Variants in SSBP3 observed in about 807,000 individuals in gnomAD.
SSBP3 encodes the protein single-stranded DNA-binding protein 3.
A neutral mutation model predicts 69.6 loss-of-function variants in SSBP3; 5 were observed. The ratio of observed to expected loss-of-function variants is 0.07; its 90% CI spans 0.04 to 0.15. The LOEUF is 0.15. Among genes scored for constraint, SSBP3 ranks in the 10% least tolerant of loss-of-function variants. The pLI, the probability that SSBP3 is intolerant of heterozygous loss-of-function variation, is 1.00. For synonymous variants in SSBP3, 196 were observed against 193.4 expected, an observed-to-expected ratio of 1.01 and a Z score of -0.11; for missense variants, 312 against 534.0, an observed-to-expected ratio of 0.58 and a Z score of 4.10.
intron 5 of SSBP3, among the ~76,000 whole-genome samples, chr1:54,270,542 G>C (rs984621620): frequency 6.6e-6 from 1 of 152,182 alleles, no homozygotes; most frequent in African/African-American, 2.4e-5. Flanking sequence ...AAAGCTAGCG[G>C]ATCTCAAAAA....
chr1:54,232,825 C>T (rs988255505), intron 14 of SSBP3, among the ~76,000 whole-genome samples: 2 of 152,222 alleles, frequency 1.3e-5, no homozygotes, highest in African/African-American at 4.8e-5. Flanking sequence ...GCGAGTGATC[C>T]GCCAGCCTTG....
Position 54,228,906 on chromosome 1 carries a change from G to A in SSBP3, c.928-80C>T, listed in dbSNP as rs1393763123. On this transcript the variant is annotated intron_variant, in intron 14 of 17. Coordinates refer to ENST00000610401, the Ensembl canonical transcript of SSBP3. ...CTCACAGGCAGGGGGCTGCAGCCAC[G>A]CTTGAGTCCTGGCCCTGGGGAACCC... 31 of 1,440,752 alleles carry A rather than the reference G, an allele frequency of 2.2e-5. 1 individual carries two copies. The highest frequency in any genetic ancestry group is 3.5e-4 in the Middle Eastern group (2 of 5,734). The allele number at this position is 1,440,752 out of a possible 1,614,324, so 89.2% of individuals were successfully genotyped here.
chr1:54,257,668 G>A (rs1011267788), intron 6 of SSBP3, among the ~76,000 whole-genome samples: 4 of 152,094 alleles, frequency 2.6e-5, no homozygotes, highest in Non-Finnish European at 5.9e-5. Flanking sequence ...AGGAGACAGC[G>A]GGCTCCCTAA....
chr1:54,336,478 G>A (rs1322736899), intron 4 of SSBP3, among the ~76,000 whole-genome samples: 1 of 152,140 alleles, frequency 6.6e-6, no homozygotes, highest in African/African-American at 2.4e-5. Flanking sequence ...CACGCAGGTG[G>A]GGAGGGGAGA....
At chr1:54,314,132 G>T (rs144917511) in intron 4 of SSBP3, among the ~76,000 whole-genome samples, 3,613 of 152,268 alleles carry the variant, frequency 0.024, 57 homozygotes, top group Non-Finnish European at 0.037. Context: ...CAGCCAAGGG[G>T]GGCTTAGCCA....
exon 18 of SSBP3, chr1:54,225,460 A>G (rs1384564361): frequency 8.3e-7 from 1 of 1,208,524 alleles, no homozygotes; most frequent in Non-Finnish European, 1.0e-6. Flanking sequence ...CTTTAATAAA[A>G]CGTTATCAAC....
rs373655673 is a variant in SSBP3 at position 54,243,737 on chromosome 1, C to T, written c.652-438G>A. Among the ~76,000 whole-genome samples the T allele has an allele frequency of 7.9e-5, 12 of 152,168 alleles. No individual in the cohort carries two copies. The East Asian group carries it at 1.5e-3, about 20-fold the overall frequency. On this transcript the variant is annotated intron_variant, in intron 9 of 17. Coordinates refer to ENST00000610401, the Ensembl canonical transcript of SSBP3. ...TCAATGTGGATGGGAGCAGGCACTC[C>T]TGAGAAGCCTGCCCGAGGCTGGTGC...
chr1:54,375,444 A>G (rs950840950), intron 4 of SSBP3, among the ~76,000 whole-genome samples: 1 of 152,112 alleles, frequency 6.6e-6, no homozygotes, highest in Non-Finnish European at 1.5e-5. Flanking sequence ...GCTCTTTCCC[A>G]CAGGCCAGTC....
intron 4 of SSBP3, among the ~76,000 whole-genome samples, chr1:54,339,156 G>A (rs1396870096): frequency 6.6e-6 from 1 of 151,744 alleles, no homozygotes; most frequent in Non-Finnish European, 1.5e-5. Flanking sequence ...GGTGCAATCT[G>A]TAACAGAAAA....
chr1:54,260,048 A>G (rs1394950954), intron 5 of SSBP3, among the ~76,000 whole-genome samples: 3 of 152,244 alleles, frequency 2.0e-5, no homozygotes, highest in Non-Finnish European at 2.9e-5. Context: ...AATTAACAGT[A>G]CAGGGAAGGA....
chr1:54,317,169 A>G (rs1439552028), intron 4 of SSBP3, among the ~76,000 whole-genome samples: 6 of 152,228 alleles, frequency 3.9e-5, no homozygotes, highest in Non-Finnish European at 8.8e-5. Flanking sequence ...ACAGGAAGGA[A>G]TCGCCAATTA....
At chr1:54,277,473 G>GCAC (rs560965990) in intron 5 of SSBP3, among the ~76,000 whole-genome samples, 72 of 152,308 alleles carry the variant, frequency 4.7e-4, no homozygotes, top group African/African-American at 1.6e-3. Flanking sequence ...TTGTGGAAGA[G>GCAC]CACCCCATGA....
chr1:54,255,742 T>C (rs926043841), intron 7 of SSBP3: 14 of 150,718 alleles, frequency 9.3e-5, no homozygotes, highest in African/African-American at 3.4e-4. Flanking sequence ...AAAAACAAAA[T>C]AAAAAGGTGG....
At chr1:54,281,905 C>A (rs867591795) in intron 4 of SSBP3, among the ~76,000 whole-genome samples, 1 of 151,816 alleles carries the variant, frequency 6.6e-6, no homozygotes, top group Admixed American at 6.6e-5. Flanking sequence ...GAGACCGGCG[C>A]GGGCAACATA....
intron 4 of SSBP3, among the ~76,000 whole-genome samples, chr1:54,337,773 G>C (rs896967376): frequency 2.0e-5 from 3 of 152,024 alleles, no homozygotes; most frequent in African/African-American, 7.2e-5. Context: ...GGGATGATAG[G>C]CGTGGGCCAC....
chr1:54,302,106 C>G (rs1223595360), intron 4 of SSBP3, among the ~76,000 whole-genome samples: 1 of 152,242 alleles, frequency 6.6e-6, no homozygotes, highest in Admixed American at 6.5e-5. Flanking sequence ...CCCACTCATA[C>G]CATCGTCCCA....
At chr1:54,390,602 C>T (rs1381993006) in intron 4 of SSBP3, among the ~76,000 whole-genome samples, 1 of 152,252 alleles carries the variant, frequency 6.6e-6, no homozygotes, top group Non-Finnish European at 1.5e-5. Flanking sequence ...TGGCAGCCAT[C>T]ACAACTAACT....
chr1:54,285,422 C>A (rs1645470346), intron 4 of SSBP3: 1 of 152,130 alleles, frequency 6.6e-6, no homozygotes, highest in South Asian at 2.1e-4. Context: ...TTTCTCCTGT[C>A]TCTGAGACCC....
chr1:54,387,260 C>T (rs781251724), intron 4 of SSBP3, among the ~76,000 whole-genome samples: 13 of 152,266 alleles, frequency 8.5e-5, no homozygotes, highest in Non-Finnish European at 1.5e-4. Flanking sequence ...TTGAGAGAAT[C>T]GGGGAGACCC....
Sources: allele counts gnomAD v4.1 joint callset (sites outside exome capture counted in the v4.1 genomes callset), GRCh38; gene constraint gnomAD v4.1.1; transcripts MANE v1.5; gene names NCBI Gene and HGNC (gene_info 2026-07-23, HGNC 2026-07-21).